Variants in CDH13 observed in about 807,000 individuals in gnomAD.
CDH13 encodes cadherin-13.
Under a neutral mutation model 63.8 loss-of-function variants are expected in CDH13, and 24 were observed. That is an observed-to-expected ratio of 0.38 (90% confidence interval 0.27 to 0.53). The LOEUF is 0.53. CDH13 is among the 20% of genes least tolerant of loss of function. The pLI is 0.85. For synonymous variants in CDH13, 503 were observed against 355.3 expected, an observed-to-expected ratio of 1.42 and a Z score of -4.67; for missense variants, 1,049 against 903.1, an observed-to-expected ratio of 1.16 and a Z score of -2.07.
At position 83,798,664 on chromosome 16, in the gene CDH13, CCAGA is replaced by C. The variant is rs1904295940; in HGVS notation, c.*3637_*3640del. ...TGCCACTCTCAACCCAGGAGCAAAA[CCAGA>C]CAAAGTGCCTACTGCAGACCGGAAG... On this transcript the variant is annotated 3_prime_UTR_variant, in exon 14 of 14. Coordinates refer to ENST00000567109, the MANE Select transcript of CDH13 (RefSeq NM_001257.5). 6.6e-6 allele frequency: 1 copy of C among 152,172 alleles called. No homozygotes were observed. The highest frequency in any genetic ancestry group is 1.5e-5 in the Non-Finnish European group (1 of 68,044). 9.4% of individuals were successfully genotyped at this position (152,172 alleles called of 1,614,324 possible).
intron 6 of CDH13, among the ~76,000 whole-genome samples, chr16:83,443,149 G>A (rs867756313): frequency 2.6e-5 from 4 of 152,284 alleles, no homozygotes; most frequent in South Asian, 4.1e-4. Flanking sequence ...CATGCCAAAC[G>A]CAGAAAGGAA....
chr16:83,054,464 T>C (rs1330389950), intron 3 of CDH13, among the ~76,000 whole-genome samples: 1 of 152,160 alleles, frequency 6.6e-6, no homozygotes, highest in African/African-American at 2.4e-5. Context: ...GAGTAACTAA[T>C]GGGATAGTAT....
chr16:82,829,351 T>G (rs1007522761), intron 1 of CDH13: 1 of 152,370 alleles, frequency 6.6e-6, no homozygotes, highest in South Asian at 2.1e-4. Flanking sequence ...ATACACAGTT[T>G]GGGAGCCCTG....
chr16:83,090,391 T>C (rs1182195655), intron 3 of CDH13, among the ~76,000 whole-genome samples: 1 of 151,886 alleles, frequency 6.6e-6, no homozygotes, highest in Non-Finnish European at 1.5e-5. Flanking sequence ...CCGACCAATA[T>C]GGTGAGACCC....
intron 8 of CDH13, among the ~76,000 whole-genome samples, chr16:83,623,563 A>T (rs1910007910): frequency 6.6e-6 from 1 of 152,070 alleles, no homozygotes; most frequent in Non-Finnish European, 1.5e-5. Context: ...AACAAACAGC[A>T]CTTTTTCCCG....
intron 2 of CDH13, among the ~76,000 whole-genome samples, chr16:82,923,698 G>T (rs950567427): frequency 3.9e-5 from 6 of 152,210 alleles, no homozygotes; most frequent in African/African-American, 1.4e-4. Context: ...TATGAAACCA[G>T]AACACAGCTG....
At chr16:83,734,750 T>TAATAATAATAAA (rs1029742702) in intron 10 of CDH13, among the ~76,000 whole-genome samples, 12 of 149,254 alleles carry the variant, frequency 8.0e-5, no homozygotes, top group Non-Finnish European at 1.6e-4. Context: ...ATAATAATAA[T>TAATAATAATAAA]AATAAAAACA....
chr16:82,709,254 C>A (rs766373157), intron 1 of CDH13, among the ~76,000 whole-genome samples: 5 of 152,154 alleles, frequency 3.3e-5, no homozygotes, highest in Non-Finnish European at 7.3e-5. Flanking sequence ...TCATCAAAAG[C>A]TATTTTAATC....
chr16:83,414,159 C>A (rs950464724), intron 6 of CDH13, among the ~76,000 whole-genome samples: 1 of 152,148 alleles, frequency 6.6e-6, no homozygotes, highest in Non-Finnish European at 1.5e-5. Flanking sequence ...ATTCCTACAT[C>A]CAATAGCTGT....
chr16:83,742,054 C>T (rs1023278675), intron 10 of CDH13, among the ~76,000 whole-genome samples: 2 of 152,214 alleles, frequency 1.3e-5, no homozygotes, highest in African/African-American at 4.8e-5. Flanking sequence ...AAGCGAGTGA[C>T]CCCAAGAAGC....
chr16:82,781,448 A>C (rs1255997114), intron 1 of CDH13, among the ~76,000 whole-genome samples: 1 of 152,026 alleles, frequency 6.6e-6, no homozygotes, highest in African/African-American at 2.4e-5. Context: ...GGCTAAGGTC[A>C]TTCTCCATCC....
At chr16:82,806,566 C>T (rs1283455772) in intron 1 of CDH13, among the ~76,000 whole-genome samples, 3 of 152,140 alleles carry the variant, frequency 2.0e-5, no homozygotes, top group Non-Finnish European at 4.4e-5. Flanking sequence ...GAGTAATGAG[C>T]AGAGTGAAAG....
intron 3 of CDH13, among the ~76,000 whole-genome samples, chr16:83,088,997 A>G (rs1174836666): frequency 6.6e-6 from 1 of 152,196 alleles, no homozygotes; most frequent in African/African-American, 2.4e-5. Flanking sequence ...AGTAGTTGCA[A>G]TACAAACAGT....
chr16:83,495,921 A>C (rs907645994), intron 7 of CDH13, among the ~76,000 whole-genome samples: 4 of 152,084 alleles, frequency 2.6e-5, no homozygotes, highest in Non-Finnish European at 5.9e-5. Flanking sequence ...TGCTTCAAAG[A>C]GAATAAAATG....
intron 8 of CDH13, among the ~76,000 whole-genome samples, chr16:83,608,737 G>A (rs1908587823): frequency 1.3e-5 from 2 of 150,652 alleles, no homozygotes; most frequent in South Asian, 4.2e-4. Flanking sequence ...TGAACTATTG[G>A]GCCCAAGCAA....
intron 9 of CDH13, 109 bp from the exon 10 acceptor site, chr16:83,678,099 C>G (rs1030623398): frequency 1.8e-6 from 2 of 1,115,214 alleles, no homozygotes; most frequent in Non-Finnish European, 2.6e-6. Flanking sequence ...AAGCCCAGCT[C>G]CATCCCTGAA....
intron 3 of CDH13, among the ~76,000 whole-genome samples, chr16:83,055,722 A>T (rs192061498): frequency 6.6e-6 from 1 of 152,116 alleles, no homozygotes; most frequent in Non-Finnish European, 1.5e-5. Context: ...AATAGAAAAA[A>T]AATGAAACGC....
intron 4 of CDH13, among the ~76,000 whole-genome samples, chr16:83,134,447 C>T (rs1450730271): frequency 6.6e-6 from 1 of 151,978 alleles, no homozygotes; most frequent in Admixed American, 6.6e-5. Context: ...GCCTCGGCCT[C>T]CCAAAGTGCT....
intron 7 of CDH13, among the ~76,000 whole-genome samples, chr16:83,585,622 C>T (rs111462184): frequency 2.0e-5 from 3 of 151,706 alleles, no homozygotes; most frequent in Non-Finnish European, 2.9e-5. Context: ...TCAGAGTCCA[C>T]AGGGGTGGGT....
Sources: gnomAD v4.1 joint callset for allele counts (sites outside exome capture counted in the v4.1 genomes callset) on GRCh38, gnomAD v4.1.1 for gene constraint, MANE v1.5 for transcripts, NCBI Gene and HGNC (gene_info 2026-07-23, HGNC 2026-07-21) for gene names.